The following AMER2 variants were observed in gnomAD, a reference collection of about 807,000 sequenced individuals.
AMER2 encodes the protein family with sequence similarity 123A.
AMER2 carries 1 observed loss-of-function variant against 4.7 expected under a neutral mutation model. That is an observed-to-expected ratio of 0.21 (90% confidence interval 0.07 to 1.00). The LOEUF is 1.00. AMER2 is among the 50% of genes least tolerant of loss of function. AMER2 has a pLI of 0.60. For missense variants in AMER2, 988 were observed against 966.9 expected, an observed-to-expected ratio of 1.02 and a Z score of -0.29; for synonymous variants, 485 against 433.3, an observed-to-expected ratio of 1.12 and a Z score of -1.48.
chr13:25,171,148 C>T lies in AMER2; in HGVS notation c.472G>A (p.Ala158Thr), dbSNP rs200352589. The T allele has an allele frequency of 5.8e-6, 9 of 1,545,568 alleles. No homozygotes were observed. The African/African-American group carries it at 1.1e-4, about 19-fold the overall frequency. Residue 158 changes from alanine (A) to threonine (T), a missense_variant, in exon 1 of 1, where the codon GCC becomes ACC. Ala to Thr is a moderately conservative substitution (Grantham distance 58). Transcript: ENST00000515384. This position sits in a 1 kb window ranked among gnomAD's most constrained non-coding sequence, Gnocchi z 5.9. Reference sequence around the variant, plus strand: ...AGCGAGAAGAAGCTGTGCGACTTGGCCACCGAGCTGCTGGCGAGGGAGCCC... The same window carrying T: ...AGCGAGAAGAAGCTGTGCGACTTGGTCACCGAGCTGCTGGCGAGGGAGCCC... Reference protein sequence around the residue: ...GGGSLASSSVAKSHSFFSLLK... With the variant: ...GGGSLASSSVTKSHSFFSLLK...
In AMER2 at chr13:25,162,709, A is replaced by C. The variant is rs1956423114; in HGVS notation, c.*6895T>G. 6.6e-6 allele frequency: 1 copy of C among 152,226 alleles called. No individual in the cohort carries two copies. Among genetic ancestry groups the C allele is most frequent in the Non-Finnish European group, 1.5e-5 (1 of 68,038 alleles). The allele number at this position is 152,226 out of a possible 1,614,324, so 9.4% of individuals were successfully genotyped here. A position where few individuals can be genotyped will look rare whatever the true frequency, so the allele number is the denominator to read the frequency against. ...GATTCAGGTCTGAGAGTATCTGAGA[A>C]GGTATAGTATGTCTCAGGTAACCAG... On this transcript the variant is annotated 3_prime_UTR_variant, in exon 1 of 1. Transcript: ENST00000515384.
At position 25,171,500 on chromosome 13, in the gene AMER2, C is replaced by G; in HGVS notation, c.120G>C (p.Ala40=). The change falls in exon 1 of 1, where the codon GCG becomes GCC. Residue 40 remains alanine, a synonymous_variant. Coordinates refer to ENST00000515384, the MANE Select transcript of AMER2 (RefSeq NM_152704.4). This position sits in a 1 kb window ranked among gnomAD's most constrained non-coding sequence, Gnocchi z 5.9. ...AGTCACAATGCAAGTCCATGTCTGC[C>G]GCGAGGGTCCCGGTCCCGGCCCCGG... ...AEAGAGTGTL[A]ADMDLHCDCA... 6.2e-7 allele frequency: 1 copy of G among 1,605,450 alleles called. No homozygotes were observed. Among genetic ancestry groups the G allele is most frequent in the Non-Finnish European group, 8.5e-7 (1 of 1,178,156 alleles).
chr13:25,168,263 G>A lies in AMER2; in HGVS notation c.*1341C>T, dbSNP rs531473586. On this transcript the variant is annotated 3_prime_UTR_variant, in exon 1 of 1. Coordinates refer to ENST00000515384, the MANE Select transcript of AMER2 (RefSeq NM_152704.4). ...GGCATAAAGTGTTTACAATACATAAGCTTGCCAGTGTCATATTCTGAACAC... is the reference window on the plus strand; with the variant it reads ...GGCATAAAGTGTTTACAATACATAAACTTGCCAGTGTCATATTCTGAACAC... 1 of 152,214 alleles carries A rather than the reference G, an allele frequency of 6.6e-6. No individual in the cohort carries two copies. The highest frequency in any genetic ancestry group is 6.5e-5 in the Admixed American group (1 of 15,292). 9.4% of individuals were successfully genotyped at this position (152,214 alleles called of 1,614,324 possible).
rs961416421 is a variant in AMER2 at position 25,164,411 on chromosome 13, T to C, written c.*5193A>G. ...GCACAGTGGCAGGGTTCCCTGTATATGATTGTGAGCACCATCATCTCAGAC... is the reference window on the plus strand; with the variant it reads ...GCACAGTGGCAGGGTTCCCTGTATACGATTGTGAGCACCATCATCTCAGAC... On this transcript the variant is annotated 3_prime_UTR_variant, in exon 1 of 1. Coordinates refer to ENST00000515384, the MANE Select transcript of AMER2 (RefSeq NM_152704.4). 2.6e-5 allele frequency: 4 copies of C among 151,596 alleles called. No homozygotes were observed. Among genetic ancestry groups the C allele is most frequent in the Non-Finnish European group, 5.9e-5 (4 of 67,972 alleles). The allele number at this position is 151,596 out of a possible 1,614,324, so 9.4% of individuals were successfully genotyped here. A position where few individuals can be genotyped will look rare whatever the true frequency, so the allele number is the denominator to read the frequency against.
At position 25,169,404 on chromosome 13, in the gene AMER2, C is replaced by T. The variant is rs1259491251; in HGVS notation, c.*200G>A. On this transcript the variant is annotated 3_prime_UTR_variant, in exon 1 of 1. Coordinates refer to ENST00000515384, the MANE Select transcript of AMER2 (RefSeq NM_152704.4). This position sits in a 1 kb window ranked among gnomAD's most constrained non-coding sequence, Gnocchi z 4.2. The stretch of plus-strand genomic sequence containing the variant: ...GACTTATCTTGAGAGGAGAAACCCC[C>T]GTGTAGCATCCCTCTTTCTGGTGTT... The T allele has an allele frequency of 9.1e-6, 5 of 550,928 alleles. No individual in the cohort carries two copies. Among genetic ancestry groups the T allele is most frequent in the Non-Finnish European group, 1.5e-5 (5 of 338,116 alleles). 34.1% of individuals were successfully genotyped at this position (550,928 alleles called of 1,614,324 possible).
In AMER2 at chr13:25,171,126, GAGA is replaced by G. The variant is rs778292217; in HGVS notation, c.491_493del (p.Phe164del). The G allele has an allele frequency of 3.5e-5, 55 of 1,556,432 alleles. No individual in the cohort carries two copies. Among genetic ancestry groups the G allele is most frequent in the Non-Finnish European group, 4.6e-5 (53 of 1,152,266 alleles). On this transcript the variant is annotated inframe_deletion, in exon 1 of 1. Transcript: ENST00000515384. This position sits in a 1 kb window ranked among gnomAD's most constrained non-coding sequence, Gnocchi z 5.9. ...CGAGCGCCCGTTCTTCTTCAGCAGCGAGAAGAAGCTGTGCGACTTGGCCACCGA... is the reference window on the plus strand; with the variant it reads ...CGAGCGCCCGTTCTTCTTCAGCAGCGAGAAGCTGTGCGACTTGGCCACCGA...
Position 25,171,277 on chromosome 13 carries a change from G to C in AMER2, c.343C>G (p.Leu115Val). 1 of 1,563,172 alleles carries C rather than the reference G, an allele frequency of 6.4e-7. No homozygotes were observed. Among genetic ancestry groups the C allele is most frequent in the Non-Finnish European group, 8.6e-7 (1 of 1,157,452 alleles). ...GGCTCCTCCTTCCTGCCGCTCTCCA[G>C]CACCAGCACCTCGGCAAGTCCGTCG... ...THDGLAEVLV[L>V]ESGRKEEPRG... is the part of the protein sequence containing the mutation. The change falls in exon 1 of 1, where the codon CTG becomes GTG. Residue 115 changes from leucine to valine, a missense_variant. Transcript: ENST00000515384. This position sits in a 1 kb window ranked among gnomAD's most constrained non-coding sequence, Gnocchi z 5.9.
Position 25,169,885 on chromosome 13 carries a change from A to G in AMER2, c.1735T>C (p.Ser579Pro). ...LPGGKDNEET[S>P]SLSRLKPVSP... ...ACGGGCTTTAACCGGGACAGGGAGG[A>G]CGTCTCCTCGTTGTCCTTCCCTCCA... The change falls in exon 1 of 1, where the codon TCC (serine) becomes CCC (proline). Residue 579 changes from serine (S) to proline (P), a missense_variant. By Grantham distance (74) the Ser-to-Pro change is moderately conservative. Coordinates refer to ENST00000515384, the MANE Select transcript of AMER2 (RefSeq NM_152704.4). This position sits in a 1 kb window ranked among gnomAD's most constrained non-coding sequence, Gnocchi z 4.2. 6.2e-7 allele frequency: 1 copy of G among 1,613,568 alleles called. No individual in the cohort carries two copies. The highest frequency in any genetic ancestry group is 1.1e-5 in the South Asian group (1 of 91,018).
rs539207817 is a variant in AMER2 at position 25,165,139 on chromosome 13, T to C, written c.*4465A>G. 1 of 152,390 alleles carries C rather than the reference T, an allele frequency of 6.6e-6. No homozygotes were observed. The highest frequency in any genetic ancestry group is 1.5e-5 in the Non-Finnish European group (1 of 68,044). 9.4% of individuals were successfully genotyped at this position (152,390 alleles called of 1,614,324 possible). ...ACTCCTTTCCGTAATCACGAAACTATCATTCTGAATCACCTCTTAAAAACA... is the reference window on the plus strand; with the variant it reads ...ACTCCTTTCCGTAATCACGAAACTACCATTCTGAATCACCTCTTAAAAACA... On this transcript the variant is annotated 3_prime_UTR_variant, in exon 1 of 1. Coordinates refer to ENST00000515384, the MANE Select transcript of AMER2 (RefSeq NM_152704.4).
In AMER2 at chr13:25,168,726, TA is replaced by T. The variant is rs1956509209; in HGVS notation, c.*877del. ...AAAATGTTAACAGCTGGATAAACGG[TA>T]AAATATGCATTATCTTCACATGAAA... On this transcript the variant is annotated 3_prime_UTR_variant, in exon 1 of 1. Transcript: ENST00000515384. 1 of 152,608 alleles carries T rather than the reference TA, an allele frequency of 6.6e-6. No homozygotes were observed. The highest frequency in any genetic ancestry group is 2.1e-4 in the South Asian group (1 of 4,822). 9.5% of individuals were successfully genotyped at this position (152,608 alleles called of 1,614,324 possible).
Position 25,164,313 on chromosome 13 carries a change from C to G in AMER2, c.*5291G>C, listed in dbSNP as rs1397710064. On this transcript the variant is annotated 3_prime_UTR_variant, in exon 1 of 1. Transcript: ENST00000515384. ...CCATGACAACAGAAGAGATTTCTGT[C>G]TGTACTTCCCACATTAATCCTAAGA... 6.6e-6 allele frequency: 1 copy of G among 151,996 alleles called. No homozygotes were observed. 9.4% of individuals were successfully genotyped at this position (151,996 alleles called of 1,614,324 possible).
Position 25,171,664 on chromosome 13 carries a change from G to GC in AMER2, c.-46dup. The GC allele has an allele frequency of 7.0e-7, 1 of 1,435,256 alleles. No homozygotes were observed. Among genetic ancestry groups the GC allele is most frequent in the Non-Finnish European group, 9.0e-7 (1 of 1,105,614 alleles). 88.9% of individuals were successfully genotyped at this position (1,435,256 alleles called of 1,614,324 possible). On this transcript the variant is annotated 5_prime_UTR_variant, in exon 1 of 1. Coordinates refer to ENST00000515384, the MANE Select transcript of AMER2 (RefSeq NM_152704.4). The surrounding 1 kb of genome is among the most constrained non-coding windows in gnomAD (Gnocchi z 5.9). ...CCGCTTTCGTCAGCAGTGGGCTCGC[G>GC]CCAGGCCACTGTCACCCGTATTCTA... is the stretch of plus-strand genomic sequence containing the variant.
In AMER2 at chr13:25,171,447, G is replaced by C. The variant is rs1173779693; in HGVS notation, c.173C>G (p.Pro58Arg). 11 of 1,611,982 alleles carry C rather than the reference G, an allele frequency of 6.8e-6. 1 individual carries two copies. The highest frequency in any genetic ancestry group is 6.8e-6 in the Non-Finnish European group (8 of 1,179,402). The change falls in exon 1 of 1, where the codon CCG (proline) becomes CGG (arginine). Residue 58 changes from proline (P) to arginine (R), a missense_variant. Transcript: ENST00000515384. This position sits in a 1 kb window ranked among gnomAD's most constrained non-coding sequence, Gnocchi z 5.9. ...DCAAETPAAE[P>R]PSGKINKAAF... is the part of the protein sequence containing the mutation. ...AGCTTTATTAATCTTCCCCGACGGC[G>C]GCTCGGCGGCCGGCGTTTCGGCGGC... is the stretch of plus-strand genomic sequence containing the variant.
rs146373440 is a variant in AMER2 at position 25,168,233 on chromosome 13, A to C, written c.*1371T>G. 6.6e-6 allele frequency: 1 copy of C among 152,254 alleles called. No homozygotes were observed. The highest frequency in any genetic ancestry group is 6.5e-5 in the Admixed American group (1 of 15,290). The allele number at this position is 152,254 out of a possible 1,614,324, so 9.4% of individuals were successfully genotyped here. Reference sequence around the variant, plus strand: ...TAGAAGCAAACCACTTTTCAAAAAAAACTTGGCATAAAGTGTTTACAATAC... The same window carrying C: ...TAGAAGCAAACCACTTTTCAAAAAACACTTGGCATAAAGTGTTTACAATAC... On this transcript the variant is annotated 3_prime_UTR_variant, in exon 1 of 1. Coordinates refer to ENST00000515384, the MANE Select transcript of AMER2 (RefSeq NM_152704.4).
rs548409500 is a variant in AMER2 at position 25,171,200 on chromosome 13, C to T, written c.420G>A (p.Gly140=). ...CGCCGGGCCCTGCGGCTCTGGGGGGCCCCGGGTTCGGCCGCCCCCCGCCGC... is the reference window on the plus strand; with the variant it reads ...CGCCGGGCCCTGCGGCTCTGGGGGGTCCCGGGTTCGGCCGCCCCCCGCCGC... The part of the protein sequence containing the change: ...GGGGGGRPNP[G]PPRAAGPGGG... The change falls in exon 1 of 1, where the codon GGG becomes GGA. Residue 140 remains glycine, a synonymous_variant. Transcript: ENST00000515384. This position sits in a 1 kb window ranked among gnomAD's most constrained non-coding sequence, Gnocchi z 5.9. 1.2e-5 allele frequency: 17 copies of T among 1,410,472 alleles called. No homozygotes were observed. The Admixed American group carries it at 2.0e-4, about 16-fold the overall frequency. 87.4% of individuals were successfully genotyped at this position (1,410,472 alleles called of 1,614,324 possible). A position where few individuals can be genotyped will look rare whatever the true frequency, so the allele number is the denominator to read the frequency against.
rs866223733 is a variant in AMER2 at position 25,171,268 on chromosome 13, C to G, written c.352G>C (p.Gly118Arg). Residue 118 changes from glycine (G) to arginine (R), a missense_variant, in exon 1 of 1, where the codon GGC becomes CGC. By Grantham distance (125) the Gly-to-Arg change is moderately radical (BLOSUM62 -2). Transcript: ENST00000515384. The surrounding 1 kb of genome is among the most constrained non-coding windows in gnomAD (Gnocchi z 5.9). Reference protein sequence around the residue: ...GLAEVLVLESGRKEEPRGGGD... With the variant: ...GLAEVLVLESRRKEEPRGGGD... Reference sequence around the variant, plus strand: ...CCGCCGCGCGGCTCCTCCTTCCTGCCGCTCTCCAGCACCAGCACCTCGGCA... The same window carrying G: ...CCGCCGCGCGGCTCCTCCTTCCTGCGGCTCTCCAGCACCAGCACCTCGGCA... 1.3e-5 allele frequency: 19 copies of G among 1,511,634 alleles called. No homozygotes were observed. Among genetic ancestry groups the G allele is most frequent in the Middle Eastern group, 1.7e-4 (1 of 5,736 alleles). 93.6% of individuals were successfully genotyped at this position (1,511,634 alleles called of 1,614,324 possible). A position where few individuals can be genotyped will look rare whatever the true frequency, so the allele number is the denominator to read the frequency against.
rs1333519792 is a variant in AMER2 at position 25,161,823 on chromosome 13, A to AGT, written c.*7779_*7780dup. The stretch of plus-strand genomic sequence containing the variant: ...CCAAGCTTCTTACATTCATTAAAAG[A>AGT]GTGACTATCAAAAACAGCAACATGC... On this transcript the variant is annotated 3_prime_UTR_variant, in exon 1 of 1. Transcript: ENST00000515384. 1.3e-5 allele frequency: 2 copies of AGT among 152,320 alleles called. No individual in the cohort carries two copies. Among genetic ancestry groups the AGT allele is most frequent in the African/African-American group, 4.8e-5 (2 of 41,568 alleles). 9.4% of individuals were successfully genotyped at this position (152,320 alleles called of 1,614,324 possible).
chr13:25,170,281 C>T lies in AMER2; in HGVS notation c.1339G>A (p.Glu447Lys), dbSNP rs751976243. The stretch of plus-strand genomic sequence containing the variant: ...TCCTGGGGCTCGGGTCCCTGCTCCT[C>T]GGTCTGGGAGAGCATGTCCCAGAAC... ...QEFWDMLSQT[E>K]EQGPEPQEGA... Residue 447 changes from glutamate to lysine, a missense_variant, in exon 1 of 1, where the codon GAG becomes AAG. Glu to Lys is a moderately conservative substitution (Grantham distance 56). Transcript: ENST00000515384. This position sits in a 1 kb window ranked among gnomAD's most constrained non-coding sequence, Gnocchi z 7.3. 11 of 1,613,398 alleles carry T rather than the reference C, an allele frequency of 6.8e-6. No individual in the cohort carries two copies. Among genetic ancestry groups the T allele is most frequent in the Admixed American group, 1.7e-5 (1 of 59,946 alleles).
Position 25,164,680 on chromosome 13 carries a change from C to G in AMER2, c.*4924G>C, listed in dbSNP as rs1956456434. On this transcript the variant is annotated 3_prime_UTR_variant, in exon 1 of 1. Coordinates refer to ENST00000515384, the MANE Select transcript of AMER2 (RefSeq NM_152704.4). The stretch of plus-strand genomic sequence containing the variant: ...AGATAATATTACCTACCCCACATGG[C>G]TGTTAAGAGGACTAAGTAATTATTT... 1 of 146,502 alleles carries G rather than the reference C, an allele frequency of 6.8e-6. No homozygotes were observed. The highest frequency in any genetic ancestry group is 2.1e-4 in the East Asian group (1 of 4,856). 9.1% of individuals were successfully genotyped at this position (146,502 alleles called of 1,614,324 possible). A position where few individuals can be genotyped will look rare whatever the true frequency, so the allele number is the denominator to read the frequency against.
Sources: allele counts gnomAD v4.1 joint callset, GRCh38; gene constraint gnomAD v4.1.1; non-coding constraint Gnocchi (gnomAD v3.1); transcripts MANE v1.5; gene names NCBI Gene and HGNC (gene_info 2026-07-23, HGNC 2026-07-21).